POFUT4: variants seen among roughly 807,000 people sequenced by gnomAD.
The protein encoded by POFUT4 is protein O-fucosyltransferase 4.
the POFUT4 span, among the ~76,000 whole-genome samples, chr10:73,777,446 A>T: frequency 2.0e-5 from 3 of 152,224 alleles, no homozygotes; most frequent in East Asian, 5.8e-4. Flanking sequence ...TTATGGAAAC[A>T]GTGTGGCTGT....
At chr10:73,780,009 T>TA in the POFUT4 span, 1 of 152,242 alleles carries the variant, frequency 6.6e-6, no homozygotes, top group African/African-American at 2.4e-5. Flanking sequence ...AGCCACATGA[T>TA]ACTTACCGAA....
the POFUT4 span, chr10:73,773,331 A>G: frequency 9.3e-6 from 15 of 1,614,004 alleles, no homozygotes; most frequent in Non-Finnish European, 1.3e-5. Context: ...GGAAAATGCC[A>G]TCTGTAACGA....
the POFUT4 span, chr10:73,772,621 C>T: frequency 1.3e-6 from 2 of 1,560,156 alleles, no homozygotes; most frequent in African/African-American, 1.4e-5. Context: ...CGGAGCGCAT[C>T]GAGTGTGCGC....
the POFUT4 span, among the ~76,000 whole-genome samples, chr10:73,778,391 CAAAAAAAAA>C: frequency 4.6e-5 from 2 of 43,066 alleles, no homozygotes; most frequent in Admixed American, 2.6e-4. Context: ...AACTCCATCC[CAAAAAAAAA>C]AAAAAAAAAA....
chr10:73,773,186 C>G, the POFUT4 span: 3 of 1,605,518 alleles, frequency 1.9e-6, no homozygotes, highest in Non-Finnish European at 2.5e-6. Context: ...TGTACCCGGT[C>G]TAGGTAGACT....
chr10:73,773,436 CA>C, the POFUT4 span: 2 of 1,614,244 alleles, frequency 1.2e-6, no homozygotes, highest in Non-Finnish European at 1.7e-6. Flanking sequence ...GCCGAACAAT[CA>C]CTCCGTCATC....
the POFUT4 span, among the ~76,000 whole-genome samples, chr10:73,777,144 A>T: frequency 6.6e-6 from 1 of 152,298 alleles, no homozygotes; most frequent in South Asian, 2.1e-4. Context: ...AGTGGCTGTT[A>T]TATGCCTTGT....
chr10:73,773,937 T>C, the POFUT4 span: 7 of 1,104,064 alleles, frequency 6.3e-6, no homozygotes, highest in African/African-American at 1.1e-4. Context: ...GCTCATTCTG[T>C]ATTTAAGGTG....
At chr10:73,775,575 G>C in the POFUT4 span, 1 of 1,614,122 alleles carries the variant, frequency 6.2e-7, no homozygotes, top group South Asian at 1.1e-5. Context: ...TTATTGGCAA[G>C]GTCTGGACCA....
chr10:73,772,633 CGGCGCGTGCGT>C, the POFUT4 span: 1 of 1,556,798 alleles, frequency 6.4e-7, no homozygotes, highest in Non-Finnish European at 8.7e-7. Flanking sequence ...AGTGTGCGCG[CGGCGCGTGCGT>C]GGCGTCCCGG....
At chr10:73,776,906 C>G in the POFUT4 span, among the ~76,000 whole-genome samples, 1 of 152,172 alleles carries the variant, frequency 6.6e-6, no homozygotes. Flanking sequence ...GTCTCGATTT[C>G]TTGACTTCGT....
chr10:73,773,414 G>A, the POFUT4 span: 1 of 1,614,270 alleles, frequency 6.2e-7, no homozygotes, highest in Non-Finnish European at 8.5e-7. Context: ...CTCCCTCTGT[G>A]AGGGACTGGA....
chr10:73,775,780 CA>C, the POFUT4 span: 1 of 1,260,474 alleles, frequency 7.9e-7, no homozygotes, highest in Non-Finnish European at 1.1e-6. Flanking sequence ...CCTTAATGAA[CA>C]CTGTCTTTTC....
chr10:73,772,557 T>G, the POFUT4 span: 1 of 1,579,720 alleles, frequency 6.3e-7, no homozygotes, highest in Non-Finnish European at 8.6e-7. Context: ...GCGGGGGACT[T>G]GCCGGTACTG....
the POFUT4 span, chr10:73,775,859 CAT>C: frequency 1.6e-6 from 1 of 643,710 alleles, no homozygotes; most frequent in South Asian, 2.0e-5. Context: ...CAAGGTCTAA[CAT>C]AGGGCCTCTC....
chr10:73,775,499 A>G, the POFUT4 span: 32 of 1,614,110 alleles, frequency 2.0e-5, no homozygotes, highest in Non-Finnish European at 2.5e-5. Flanking sequence ...ACTCATAACT[A>G]TGCTGCAGTT....
chr10:73,772,908 G>T, the POFUT4 span: 18 of 1,611,364 alleles, frequency 1.1e-5, no homozygotes, highest in Admixed American at 2.7e-4. Flanking sequence ...TATCTGCGCC[G>T]CCCGGTGCCT....
the POFUT4 span, chr10:73,774,642 G>A: frequency 1.3e-5 from 2 of 152,230 alleles, no homozygotes; most frequent in South Asian, 2.1e-4. Flanking sequence ...CAATGCTGTA[G>A]TGAGCTAGGA....
the POFUT4 span, chr10:73,779,970 T>C: frequency 6.6e-6 from 1 of 152,238 alleles, no homozygotes; most frequent in African/African-American, 2.4e-5. Context: ...AGGTATTACA[T>C]TTCCACAAGG....
Sources: allele counts gnomAD v4.1 joint callset (sites outside exome capture counted in the v4.1 genomes callset), GRCh38; gene constraint gnomAD v4.1.1; transcripts MANE v1.5; gene names NCBI Gene and HGNC (gene_info 2026-07-23, HGNC 2026-07-21).